The following STXBP5L variants were observed in gnomAD, a reference collection of about 807,000 sequenced individuals.
STXBP5L encodes the protein syntaxin-binding protein 5-like.
STXBP5L carries 65 observed loss-of-function variants against 144.5 expected under a neutral mutation model. The ratio of observed to expected loss-of-function variants is 0.45; its 90% CI spans 0.37 to 0.55. The LOEUF (loss-of-function observed/expected upper bound fraction) is 0.55. STXBP5L is among the 20% of genes least tolerant of loss of function. The probability of loss-of-function intolerance (pLI) is 0.00; values close to 1 mark genes in which losing one functional copy is unlikely to be tolerated. For missense variants in STXBP5L, 1,298 were observed against 1,405.5 expected, an observed-to-expected ratio of 0.92 and a Z score of 1.22; for synonymous variants, 505 against 469.6, an observed-to-expected ratio of 1.08 and a Z score of -0.97.
chr3:121,222,384 C>G (rs1425876362), intron 10 of STXBP5L, among the ~76,000 whole-genome samples: 1 of 152,104 alleles, frequency 6.6e-6, no homozygotes, highest in Non-Finnish European at 1.5e-5. Flanking sequence ...GGAGTTTATA[C>G]TGATCTATAG....
Position 120,971,371 on chromosome 3 carries a change from G to A in STXBP5L, c.287+16334G>A, listed in dbSNP as rs184084576. On this transcript the variant is annotated intron_variant, in intron 3 of 26. Transcript: ENST00000471454. ...GTAGGTACTATTTTATCCTTCACCC[G>A]CACCCCCCCCAACTCCTTAACTCCA... 4.3e-3 allele frequency among the ~76,000 whole-genome samples: 637 copies of A among 147,952 alleles called. 1 individual carries two copies. Among genetic ancestry groups the A allele is most frequent in the African/African-American group, 0.015 (583 of 39,384 alleles).
chr3:121,192,776 G>A (rs113665456), intron 9 of STXBP5L, among the ~76,000 whole-genome samples: 113,790 of 152,096 alleles, frequency 0.75, 42,727 homozygotes, highest in East Asian at 0.93. Context: ...CATCTGTAGA[G>A]AGCTGAAACT....
chr3:121,388,996 T>C (rs543922528), intron 22 of STXBP5L, among the ~76,000 whole-genome samples: 86 of 152,342 alleles, frequency 5.6e-4, no homozygotes, highest in African/African-American at 2.0e-3. Flanking sequence ...TCTGGTAGAA[T>C]ACAGCTATGA....
In STXBP5L at chr3:121,010,601, A is replaced by T. The variant is rs139652523; in HGVS notation, c.288-31099A>T. 6.1e-4 allele frequency among the ~76,000 whole-genome samples: 92 copies of T among 151,826 alleles called. 1 individual carries two copies. In the East Asian group the frequency reaches 0.016, roughly 26 times the overall value. On this transcript the variant is annotated intron_variant, in intron 3 of 26. Transcript: ENST00000471454. Reference sequence around the variant, plus strand: ...GGAACTGATCTGCCACACCGTCAAAAGCCTGTGTACAACTTTTGACTCTAC... The same window carrying T: ...GGAACTGATCTGCCACACCGTCAAATGCCTGTGTACAACTTTTGACTCTAC...
At chr3:121,337,336 G>A (rs1050318830) in intron 20 of STXBP5L, among the ~76,000 whole-genome samples, 18 of 150,772 alleles carry the variant, frequency 1.2e-4, no homozygotes, top group African/African-American at 3.7e-4. Flanking sequence ...TTACAAACTC[G>A]AGGTAAAGGG....
At chr3:121,095,111 G>A (rs1417957572) in intron 5 of STXBP5L, among the ~76,000 whole-genome samples, 1 of 152,084 alleles carries the variant, frequency 6.6e-6, no homozygotes, top group Non-Finnish European at 1.5e-5. Flanking sequence ...GTTGAATATT[G>A]GCCCCCAGTG....
At chr3:121,397,413 A>G (rs1021752746) in intron 22 of STXBP5L, among the ~76,000 whole-genome samples, 11 of 152,074 alleles carry the variant, frequency 7.2e-5, no homozygotes, top group Non-Finnish European at 1.3e-4. Flanking sequence ...CTATGTGCCC[A>G]TTTTCTAATT....
chr3:121,101,236 A>G (rs1307199823), intron 5 of STXBP5L, among the ~76,000 whole-genome samples: 1 of 152,138 alleles, frequency 6.6e-6, no homozygotes, highest in East Asian at 1.9e-4. Flanking sequence ...TTTATTACTC[A>G]TTTTATGAAG....
At position 121,019,752 on chromosome 3, in the gene STXBP5L, G is replaced by T. The variant is rs1010752735; in HGVS notation, c.288-21948G>T. On this transcript the variant is annotated intron_variant, in intron 3 of 26. Coordinates refer to ENST00000471454, the MANE Select transcript of STXBP5L (RefSeq NM_001308330.2). ...GCACCACATTAAGGGATCACTCCAT[G>T]GGACAAAAGAATCTGAACAGCAGCC... 2.5e-4 allele frequency among the ~76,000 whole-genome samples: 38 copies of T among 152,156 alleles called. 1 individual carries two copies. The highest frequency in any genetic ancestry group is 6.6e-5 in the Admixed American group (1 of 15,266).
chr3:121,388,214 A>G (rs551657996), intron 22 of STXBP5L, among the ~76,000 whole-genome samples: 2 of 152,156 alleles, frequency 1.3e-5, no homozygotes, highest in South Asian at 2.1e-4. Context: ...TTATTGCTGT[A>G]TAGGAATGTC....
chr3:121,109,707 A>G (rs1388703959), intron 5 of STXBP5L, among the ~76,000 whole-genome samples: 3 of 152,176 alleles, frequency 2.0e-5, no homozygotes, highest in Non-Finnish European at 4.4e-5. Context: ...GTTTTTGGAT[A>G]GAGAGTTCTG....
chr3:121,002,145 G>A (rs931108318), intron 3 of STXBP5L, among the ~76,000 whole-genome samples: 13 of 152,010 alleles, frequency 8.6e-5, no homozygotes, highest in Non-Finnish European at 1.0e-4. Flanking sequence ...TTCCAAAATG[G>A]CTGTACCAAT....
chr3:121,300,978 C>T (rs1390903114), intron 19 of STXBP5L, among the ~76,000 whole-genome samples: 5 of 152,100 alleles, frequency 3.3e-5, no homozygotes, highest in Admixed American at 1.3e-4. Flanking sequence ...AGTCAGGTAG[C>T]GTGATGCCTC....
intron 19 of STXBP5L, among the ~76,000 whole-genome samples, chr3:121,307,817 C>A (rs2043390277): frequency 6.6e-6 from 1 of 151,880 alleles, no homozygotes; most frequent in Non-Finnish European, 1.5e-5. Context: ...ATTACACATC[C>A]AAGAAGCTCC....
chr3:121,173,185 G>A (rs1465325038), intron 9 of STXBP5L, among the ~76,000 whole-genome samples: 2 of 151,990 alleles, frequency 1.3e-5, no homozygotes, highest in Non-Finnish European at 1.5e-5. Flanking sequence ...GTTAGGGGAT[G>A]GGGGGCTAGC....
At chr3:121,024,944 A>G (rs1945819464) in intron 3 of STXBP5L, among the ~76,000 whole-genome samples, 1 of 152,202 alleles carries the variant, frequency 6.6e-6, no homozygotes, top group African/African-American at 2.4e-5. Flanking sequence ...TGCTTAGAAC[A>G]GTATCATTCT....
chr3:121,392,349 C>T (rs369276774), intron 22 of STXBP5L, among the ~76,000 whole-genome samples: 25 of 152,266 alleles, frequency 1.6e-4, no homozygotes, highest in East Asian at 3.9e-4. Flanking sequence ...CCACCCCTTG[C>T]GCTTCCCAGG....
In STXBP5L at chr3:121,157,601, G is replaced by T; in HGVS notation, c.851G>T (p.Arg284Leu). Residue 284 changes from arginine (R) to leucine (L), a missense_variant, in exon 9 of 27, where the codon CGC (arginine) becomes CTC (leucine). By Grantham distance (102) the Arg-to-Leu change is moderately radical. Transcript: ENST00000471454. The part of the protein sequence containing the change: ...LTLWNLKSPS[R>L]PFQTTIPHGK... ...TTATGGAACCTGAAAAGCCCAAGTC[G>T]CCCTTTCCAGACCACAATTCCACAT... 1 of 1,602,286 alleles carries T rather than the reference G, an allele frequency of 6.2e-7. No homozygotes were observed. The highest frequency in any genetic ancestry group is 1.7e-5 in the Admixed American group (1 of 57,918).
At chr3:121,348,030 T>C (rs983044358) in intron 20 of STXBP5L, among the ~76,000 whole-genome samples, 3 of 152,038 alleles carry the variant, frequency 2.0e-5, no homozygotes, top group African/African-American at 7.2e-5. Flanking sequence ...ATCCCTGTCT[T>C]GTACCAGTTT....
Sources: gnomAD v4.1 joint callset for allele counts (sites outside exome capture counted in the v4.1 genomes callset) on GRCh38, gnomAD v4.1.1 for gene constraint, MANE v1.5 for transcripts, NCBI Gene and HGNC (gene_info 2026-07-23, HGNC 2026-07-21) for gene names.